The following FSTL5 variants were observed in gnomAD, a reference collection of about 807,000 sequenced individuals.
FSTL5 encodes the protein follistatin like 5, also known as follistatin-related protein 5.
Under a neutral mutation model 89.1 loss-of-function variants are expected in FSTL5, and 62 were observed. The observed-to-expected ratio is 0.70, with a 90% CI of 0.57 to 0.86. The LOEUF (loss-of-function observed/expected upper bound fraction) is 0.86. Among genes scored for constraint, FSTL5 ranks in the 40% least tolerant of loss-of-function variants. The probability of loss-of-function intolerance (pLI) is 0.00; values close to 1 mark genes in which losing one functional copy is unlikely to be tolerated. For missense variants in FSTL5, 1,057 were observed against 1,001.6 expected (o/e 1.06, Z -0.75); for synonymous variants, 383 against 346.2 (o/e 1.11, Z -1.18).
chr4:161,619,400 G>C (rs577940771), intron 7 of FSTL5, among the ~76,000 whole-genome samples: 1 of 152,104 alleles, frequency 6.6e-6, no homozygotes, highest in South Asian at 2.1e-4. Context: ...AGAGTGAACA[G>C]GCAACCTACA....
chr4:161,855,775 G>A (rs993244453), intron 4 of FSTL5, among the ~76,000 whole-genome samples: 1 of 152,006 alleles, frequency 6.6e-6, no homozygotes, highest in Non-Finnish European at 1.5e-5. Context: ...TTCTCACTTA[G>A]ACTGGTAAAA....
At chr4:161,977,639 A>AAAAAATAAT (rs1553988132) in intron 3 of FSTL5, among the ~76,000 whole-genome samples, 17 of 101,212 alleles carry the variant, frequency 1.7e-4, no homozygotes, top group Non-Finnish European at 2.1e-4. Context: ...AAAAAAAAAA[A>AAAAAATAAT]AATAATAATA....
intron 4 of FSTL5, among the ~76,000 whole-genome samples, chr4:161,792,836 T>C (rs749813152): frequency 3.3e-5 from 5 of 152,210 alleles, no homozygotes; most frequent in Admixed American, 6.5e-5. Flanking sequence ...GGACAATAAT[T>C]TGGGACCCAC....
At chr4:161,742,311 A>G (rs567095061) in intron 6 of FSTL5, among the ~76,000 whole-genome samples, 238 of 152,136 alleles carry the variant, frequency 1.6e-3, no homozygotes, top group Non-Finnish European at 3.0e-3. Flanking sequence ...GTCAACAACA[A>G]TGAATGCAGC....
At chr4:161,486,388 A>T (rs1193300539) in intron 12 of FSTL5, among the ~76,000 whole-genome samples, 1 of 152,182 alleles carries the variant, frequency 6.6e-6, no homozygotes, top group Non-Finnish European at 1.5e-5. Context: ...GAAAGAAAAC[A>T]GATGTTGAGA....
intron 7 of FSTL5, among the ~76,000 whole-genome samples, chr4:161,615,623 T>C: frequency 6.6e-6 from 1 of 152,108 alleles, no homozygotes; most frequent in East Asian, 1.9e-4. Flanking sequence ...AAATTATAAC[T>C]TTTTTCTCCT....
chr4:161,994,304 G>A (rs893726866), intron 3 of FSTL5, among the ~76,000 whole-genome samples: 5 of 152,212 alleles, frequency 3.3e-5, no homozygotes, highest in Non-Finnish European at 7.4e-5. Context: ...TGGGCATTTA[G>A]GTTGATTCCA....
chr4:161,741,517 C>T (rs1255986572), intron 6 of FSTL5, among the ~76,000 whole-genome samples: 1 of 151,990 alleles, frequency 6.6e-6, no homozygotes, highest in Non-Finnish European at 1.5e-5. Context: ...AAGTTAATAA[C>T]TTAGTGTTGC....
intron 13 of FSTL5, among the ~76,000 whole-genome samples, chr4:161,480,689 C>T (rs1729472876): frequency 1.3e-5 from 2 of 152,254 alleles, no homozygotes. Flanking sequence ...GCAGGAATGT[C>T]TTAATTGGCC....
At chr4:161,954,504 G>A (rs986914186) in intron 3 of FSTL5, among the ~76,000 whole-genome samples, 8 of 132,434 alleles carry the variant, frequency 6.0e-5, no homozygotes, top group East Asian at 4.2e-4. Flanking sequence ...ATTGCATATC[G>A]GGATATACCT....
At chr4:161,798,894 G>T (rs1371730678) in intron 4 of FSTL5, among the ~76,000 whole-genome samples, 1 of 151,712 alleles carries the variant, frequency 6.6e-6, no homozygotes, top group Non-Finnish European at 1.5e-5. Context: ...GGGAAGAAAA[G>T]TGGAAGGTGA....
At chr4:162,133,107 T>C (rs72986933) in intron 1 of FSTL5, among the ~76,000 whole-genome samples, 35,429 of 152,116 alleles carry the variant, frequency 0.23, 4,323 homozygotes, top group Non-Finnish European at 0.26. Context: ...CCGCCATGCC[T>C]GGCTAATATT....
chr4:161,602,261 G>A (rs1312709335), intron 7 of FSTL5, among the ~76,000 whole-genome samples: 3 of 68,268 alleles, frequency 4.4e-5, no homozygotes, highest in Non-Finnish European at 9.8e-5. Flanking sequence ...GAAAGAGAGA[G>A]AGAGAGAGAG....
chr4:161,619,776 T>A (rs1735045593), intron 7 of FSTL5, among the ~76,000 whole-genome samples: 1 of 152,140 alleles, frequency 6.6e-6, no homozygotes, highest in Non-Finnish European at 1.5e-5. Context: ...TGGAAGTCAG[T>A]GTGGCGATTC....
At chr4:161,578,561 A>T (rs1176311099) in intron 8 of FSTL5, among the ~76,000 whole-genome samples, 1 of 152,124 alleles carries the variant, frequency 6.6e-6, no homozygotes, top group Non-Finnish European at 1.5e-5. Flanking sequence ...GAAAAAAATA[A>T]TGGCCAAACG....
chr4:161,506,167 T>G (rs1297579528), intron 11 of FSTL5, among the ~76,000 whole-genome samples: 1 of 51,404 alleles, frequency 1.9e-5, no homozygotes, highest in Admixed American at 2.1e-4. Flanking sequence ...GCTCCAGAGC[T>G]CAGGGATCCT....
In FSTL5 at chr4:162,150,190, T is replaced by C. The variant is rs1733172530; in HGVS notation, c.-17+13425A>G. 2.0e-5 allele frequency among the ~76,000 whole-genome samples: 3 copies of C among 152,250 alleles called. No homozygotes were observed. The South Asian group carries it at 6.2e-4, about 32-fold the overall frequency. ...CTAGAAAGACATACTGGGCCTAATG[T>C]TTTTAAAGGAAGACTTTCGACATGG... On this transcript the variant is annotated intron_variant, in intron 1 of 15. Coordinates refer to ENST00000306100, the MANE Select transcript of FSTL5 (RefSeq NM_020116.5).
intron 12 of FSTL5, among the ~76,000 whole-genome samples, chr4:161,492,368 G>A (rs1481405466): frequency 6.6e-6 from 1 of 152,094 alleles, no homozygotes; most frequent in Non-Finnish European, 1.5e-5. Context: ...GTAAACTACT[G>A]TAGAGGTATA....
intron 6 of FSTL5, among the ~76,000 whole-genome samples, chr4:161,719,926 C>T (rs913958881): frequency 5.3e-5 from 8 of 151,968 alleles, no homozygotes; most frequent in Non-Finnish European, 1.2e-4. Context: ...AAGACTTAAA[C>T]GTAAGACTCA....
Sources: gnomAD v4.1 joint callset for allele counts (sites outside exome capture counted in the v4.1 genomes callset) on GRCh38, gnomAD v4.1.1 for gene constraint, MANE v1.5 for transcripts, NCBI Gene and HGNC (gene_info 2026-07-23, HGNC 2026-07-21) for gene names.